The following GIMAP5 variants were observed in gnomAD, a reference collection of about 807,000 sequenced individuals.
The protein encoded by GIMAP5 is GTPase IMAP family member 5.
In GIMAP5, 8 loss-of-function variants were observed where a neutral mutation model predicts 9.9. The ratio of observed to expected loss-of-function variants is 0.81; its 90% CI spans 0.47 to 1.45. The LOEUF (loss-of-function observed/expected upper bound fraction) is 1.45, where lower values mean the gene tolerates loss of function less well. Ranked by LOEUF, GIMAP5 falls within the 40% of genes most tolerant of loss-of-function variation. The pLI is 0.00. For synonymous variants in GIMAP5, 174 were observed against 151.4 expected (o/e 1.15, Z -1.09); for missense variants, 353 against 367.4 (o/e 0.96, Z 0.32).
In GIMAP5 at chr7:150,742,643, G is replaced by T; in HGVS notation, c.504G>T (p.Thr168=). ...CCCTGGATGACTATGTAGCAAACAC[G>T]GACAACTGCAGCCTGAAAGACCTGG... ...GQALDDYVAN[T]DNCSLKDLVR... The change falls in exon 3 of 3, where the codon ACG becomes ACT. Residue 168 remains threonine, a synonymous_variant. Coordinates refer to ENST00000358647, the MANE Select transcript of GIMAP5 (RefSeq NM_018384.5). The T allele has an allele frequency of 6.2e-7, 1 of 1,614,198 alleles. No individual in the cohort carries two copies. Among genetic ancestry groups the T allele is most frequent in the East Asian group, 2.2e-5 (1 of 44,892 alleles).
At chr7:150,739,760 G>A (rs1462722545) in intron 1 of GIMAP5, 1 of 152,042 alleles carries the variant, frequency 6.6e-6, no homozygotes. Flanking sequence ...AGAAAGAAGG[G>A]AAAGGGAGGG....
chr7:150,737,700 C>T lies in GIMAP5; in HGVS notation c.-15C>T. 1 of 1,535,406 alleles carries T rather than the reference C, an allele frequency of 6.5e-7. No individual in the cohort carries two copies. Among genetic ancestry groups the T allele is most frequent in the East Asian group, 2.4e-5 (1 of 40,920 alleles). ...CACCCTGGAGGACAGGGCACAACAA[C>T]CGTTTCTGGTAAGGAGAACTGGGTT... On this transcript the variant is annotated 5_prime_UTR_variant, in exon 1 of 3. Coordinates refer to ENST00000358647, the MANE Select transcript of GIMAP5 (RefSeq NM_018384.5).
In GIMAP5 at chr7:150,743,243, G is replaced by A; in HGVS notation, c.*180G>A. ...GTGTGCCTCCACTCCAAGGCTGCCT[G>A]CCTGCTGTAAACACTATTCCACTCT... On this transcript the variant is annotated 3_prime_UTR_variant, in exon 3 of 3. Transcript: ENST00000358647. 2.7e-6 allele frequency: 2 copies of A among 746,634 alleles called. No homozygotes were observed. Among genetic ancestry groups the A allele is most frequent in the Admixed American group, 3.0e-5 (1 of 33,614 alleles). 46.3% of individuals were successfully genotyped at this position (746,634 alleles called of 1,614,324 possible).
In GIMAP5 at chr7:150,743,083, C is replaced by G. The variant is rs1160766007; in HGVS notation, c.*20C>G. The G allele has an allele frequency of 1.3e-6, 2 of 1,589,346 alleles. No individual in the cohort carries two copies. The highest frequency in any genetic ancestry group is 1.7e-4 in the Middle Eastern group (1 of 5,970). On this transcript the variant is annotated 3_prime_UTR_variant, in exon 3 of 3. Transcript: ENST00000358647. ...ATTTAAATCTCTGGACCCTGGAGCA[C>G]TTCTAATGTATCACCCCATGGAGTC...
intron 2 of GIMAP5, among the ~76,000 whole-genome samples, chr7:150,741,259 G>A (rs1490531248): frequency 6.6e-6 from 1 of 152,180 alleles, no homozygotes; most frequent in Non-Finnish European, 1.5e-5. Flanking sequence ...TCCCCATAGG[G>A]ATTTAGTCAT....
chr7:150,739,724 A>C (rs1797566912), intron 1 of GIMAP5: 1 of 151,940 alleles, frequency 6.6e-6, no homozygotes, highest in Admixed American at 6.6e-5. Flanking sequence ...GAGAGAGGGG[A>C]GGGTAAAGAG....
At chr7:150,741,334 A>G (rs1277285062) in intron 2 of GIMAP5, among the ~76,000 whole-genome samples, 1 of 152,228 alleles carries the variant, frequency 6.6e-6, no homozygotes, top group African/African-American at 2.4e-5. Context: ...GAGTGGGAGA[A>G]ATAAAATAAT....
chr7:150,743,028 T>A lies in GIMAP5; in HGVS notation c.889T>A (p.Phe297Ile). The A allele has an allele frequency of 6.2e-7, 1 of 1,611,098 alleles. No individual in the cohort carries two copies. The highest frequency in any genetic ancestry group is 8.5e-7 in the Non-Finnish European group (1 of 1,177,992). Residue 297 changes from phenylalanine (F) to isoleucine (I), a missense_variant, in exon 3 of 3, where the codon TTC becomes ATC. Coordinates refer to ENST00000358647, the MANE Select transcript of GIMAP5 (RefSeq NM_018384.5). ...TCTATTGTTGTGCAGCATACTTTTT[T>A]TCATTATTTTTCTGTTCATCTTTCA... ...VFLLLCSILF[F>I]IIFLFIFHYI
rs1393916980 is a variant in GIMAP5, at chr7:150,743,146, G to C, written c.*83G>C. 1 of 1,497,578 alleles carries C rather than the reference G, an allele frequency of 6.7e-7. No homozygotes were observed. Among genetic ancestry groups the C allele is most frequent in the Non-Finnish European group, 8.9e-7 (1 of 1,118,116 alleles). 92.8% of individuals were successfully genotyped at this position (1,497,578 alleles called of 1,614,324 possible). A position where few individuals can be genotyped will look rare whatever the true frequency, so the allele number is the denominator to read the frequency against. On this transcript the variant is annotated 3_prime_UTR_variant, in exon 3 of 3. Coordinates refer to ENST00000358647, the MANE Select transcript of GIMAP5 (RefSeq NM_018384.5). ...ATCACCAATTCAGACTCAGATCCTC[G>C]TGGTCTATGGAGCATGCTGCTTGCT...
chr7:150,742,482 C>T lies in GIMAP5; in HGVS notation c.343C>T (p.Leu115Phe). 3 of 1,614,220 alleles carry T rather than the reference C, an allele frequency of 1.9e-6. No individual in the cohort carries two copies. Among genetic ancestry groups the T allele is most frequent in the Non-Finnish European group, 1.7e-6 (2 of 1,180,026 alleles). Residue 115 changes from leucine (L) to phenylalanine (F), a missense_variant, in exon 3 of 3, where the codon CTT becomes TTT. Coordinates refer to ENST00000358647, the MANE Select transcript of GIMAP5 (RefSeq NM_018384.5). Reference protein sequence around the residue: ...LLSAPGPHVLLLVIQLGRFTA... With the variant: ...LLSAPGPHVLFLVIQLGRFTA... ...CTCTGCCCCGGGGCCCCACGTCCTG[C>T]TTCTGGTGATCCAGCTGGGGCGTTT...
chr7:150,737,512 A>G lies in GIMAP5; in HGVS notation c.-203A>G. On this transcript the variant is annotated 5_prime_UTR_variant, in exon 1 of 3. The change abolishes an upstream ATG in the 5' untranslated region. Transcript: ENST00000358647. ...ACTTTTCTTTTTGTGCAGCTGAGTC[A>G]TGGAGCTTTCAGCCCCAGCACATGG... The G allele has an allele frequency of 2.0e-6, 3 of 1,535,218 alleles. No individual in the cohort carries two copies. The highest frequency in any genetic ancestry group is 2.4e-5 in the East Asian group (1 of 40,898).
intron 1 of GIMAP5, 187 bp downstream of exon 1, chr7:150,737,895 G>A: frequency 1.6e-6 from 1 of 606,222 alleles, no homozygotes; most frequent in Non-Finnish European, 2.9e-6. Context: ...GTGGAGCACA[G>A]CCTGAAGAAT....
intron 1 of GIMAP5, chr7:150,737,948 G>A: frequency 1.8e-6 from 1 of 565,256 alleles, no homozygotes; most frequent in Admixed American, 3.1e-5. Flanking sequence ...AGCGGGCTTT[G>A]CTGCCCCATT....
chr7:150,737,562 A>G lies in GIMAP5; in HGVS notation c.-153A>G, dbSNP rs760951885. On this transcript the variant is annotated 5_prime_UTR_variant, in exon 1 of 3. Transcript: ENST00000358647. ...GCTCCTCCTTAACTGCGTCTGCTCAACCTCCCTCAGCCCTGTGAACAGCAT... is the reference window on the plus strand; with the variant it reads ...GCTCCTCCTTAACTGCGTCTGCTCAGCCTCCCTCAGCCCTGTGAACAGCAT... 6.5e-6 allele frequency: 10 copies of G among 1,535,334 alleles called. No homozygotes were observed. Among genetic ancestry groups the G allele is most frequent in the Non-Finnish European group, 8.7e-6 (10 of 1,146,814 alleles).
Position 150,742,235 on chromosome 7 carries a change from A to G in GIMAP5, c.96A>G (p.Leu32=), listed in dbSNP as rs1286510026. Reference sequence around the variant, plus strand: ...CACCACCGGCATTGAGGATTATCCTAGTGGGCAAAACAGGCTGCGGGAAAA... The same window carrying G: ...CACCACCGGCATTGAGGATTATCCTGGTGGGCAAAACAGGCTGCGGGAAAA... ...SATPPALRII[L]VGKTGCGKSA... Residue 32 remains leucine, a synonymous_variant, in exon 3 of 3, where the codon CTA becomes CTG. Coordinates refer to ENST00000358647, the MANE Select transcript of GIMAP5 (RefSeq NM_018384.5). 6.2e-7 allele frequency: 1 copy of G among 1,614,164 alleles called. No homozygotes were observed.
At position 150,742,251 on chromosome 7, in the gene GIMAP5, T is replaced by A. The variant is rs1465318179; in HGVS notation, c.112T>A (p.Cys38Ser). ...GATTATCCTAGTGGGCAAAACAGGC[T>A]GCGGGAAAAGTGCCACAGGGAACAG... Reference protein sequence around the residue: ...LRIILVGKTGCGKSATGNSIL... With the variant: ...LRIILVGKTGSGKSATGNSIL... Residue 38 changes from cysteine to serine, a missense_variant, in exon 3 of 3, where the codon TGC becomes AGC. Cys to Ser is a moderately radical substitution (Grantham distance 112). Coordinates refer to ENST00000358647, the MANE Select transcript of GIMAP5 (RefSeq NM_018384.5). The A allele has an allele frequency of 6.2e-7, 1 of 1,614,186 alleles. No individual in the cohort carries two copies. The highest frequency in any genetic ancestry group is 8.5e-7 in the Non-Finnish European group (1 of 1,180,010).
At chr7:150,737,749 T>C in intron 1 of GIMAP5, 41 bp downstream of exon 1, 1 of 1,472,966 alleles carries the variant, frequency 6.8e-7, no homozygotes, top group Non-Finnish European at 9.2e-7. Context: ...ACTTTGGGAA[T>C]TGAAAGGATC....
In GIMAP5 at chr7:150,742,952, G is replaced by A. The variant is rs61751050; in HGVS notation, c.813G>A (p.Ala271=). 2,392 of 1,614,206 alleles carry A rather than the reference G, an allele frequency of 1.5e-3. 24 individuals are homozygous for A. The African/African-American group carries it at 0.028, about 19-fold the overall frequency. ...RENESNWAYK[A]LLRVKHLMLL... ...ACGAGAGTAACTGGGCATACAAGGC[G>A]CTCCTCAGAGTCAAACACTTGATGC... The change falls in exon 3 of 3, where the codon GCG becomes GCA. Residue 271 remains alanine, a synonymous_variant. Coordinates refer to ENST00000358647, the MANE Select transcript of GIMAP5 (RefSeq NM_018384.5).
At position 150,743,240 on chromosome 7, in the gene GIMAP5, C is replaced by A; in HGVS notation, c.*177C>A. 1.3e-6 allele frequency: 1 copy of A among 761,934 alleles called. No homozygotes were observed. The highest frequency in any genetic ancestry group is 2.0e-6 in the Non-Finnish European group (1 of 488,556). 47.2% of individuals were successfully genotyped at this position (761,934 alleles called of 1,614,324 possible). A position where few individuals can be genotyped will look rare whatever the true frequency, so the allele number is the denominator to read the frequency against. On this transcript the variant is annotated 3_prime_UTR_variant, in exon 3 of 3. Coordinates refer to ENST00000358647, the MANE Select transcript of GIMAP5 (RefSeq NM_018384.5). ...GCTGTGTGCCTCCACTCCAAGGCTG[C>A]CTGCCTGCTGTAAACACTATTCCAC...
Sources: gnomAD v4.1 joint callset for allele counts (sites outside exome capture counted in the v4.1 genomes callset) on GRCh38, gnomAD v4.1.1 for gene constraint, MANE v1.5 for transcripts, NCBI Gene and HGNC (gene_info 2026-07-23, HGNC 2026-07-21) for gene names.